Variants in CACNA1E observed in about 807,000 individuals in gnomAD.
CACNA1E encodes the protein voltage-dependent R-type calcium channel subunit alpha-1E.
In CACNA1E, 40 loss-of-function variants were observed where a neutral mutation model predicts 259.2. The ratio of observed to expected loss-of-function variants is 0.15; its 90% CI spans 0.12 to 0.20. The LOEUF (loss-of-function observed/expected upper bound fraction) is 0.20, where lower values mean the gene tolerates loss of function less well. CACNA1E is among the 10% of genes least tolerant of loss of function. The pLI is 1.00. For missense variants in CACNA1E, 1,874 were observed against 3,040.1 expected (o/e 0.62, Z 9.02); for synonymous variants, 1,104 against 1,138.5 (o/e 0.97, Z 0.61).
chr1:181,673,742 C>T (rs1312575763), intron 7 of CACNA1E, among the ~76,000 whole-genome samples: 2 of 152,192 alleles, frequency 1.3e-5, no homozygotes, highest in Non-Finnish European at 2.9e-5. Flanking sequence ...TTACAGTCGA[C>T]ATGACCCCAC....
chr1:181,637,679 G>T (rs1050673659), intron 6 of CACNA1E, among the ~76,000 whole-genome samples: 1 of 152,140 alleles, frequency 6.6e-6, no homozygotes, highest in Non-Finnish European at 1.5e-5. Flanking sequence ...GTTCTTGAGG[G>T]TGTCAAATAT....
intron 46 of CACNA1E, among the ~76,000 whole-genome samples, chr1:181,796,352 G>A (rs1487741249): frequency 1.3e-5 from 2 of 152,218 alleles, no homozygotes; most frequent in Admixed American, 6.5e-5. Context: ...CAAGACCAAG[G>A]TACCAGCAGA....
At chr1:181,549,696 T>C (rs1647912334) in intron 3 of CACNA1E, among the ~76,000 whole-genome samples, 1 of 152,154 alleles carries the variant, frequency 6.6e-6, no homozygotes, top group African/African-American at 2.4e-5. Flanking sequence ...GCAGATTTCT[T>C]CAGAAGGAGG....
intron 3 of CACNA1E, among the ~76,000 whole-genome samples, chr1:181,526,295 ATAGT>A (rs1296553586): frequency 1.3e-5 from 2 of 151,806 alleles, no homozygotes; most frequent in South Asian, 2.1e-4. Flanking sequence ...CATGCTGCTA[ATAGT>A]TAGTTGGTGG....
At chr1:181,566,579 G>C (rs78382112) in intron 3 of CACNA1E, among the ~76,000 whole-genome samples, 2 of 152,032 alleles carry the variant, frequency 1.3e-5, no homozygotes, top group Non-Finnish European at 2.9e-5. Context: ...TGTATTCTTC[G>C]TCTGGCATCC....
intron 6 of CACNA1E, among the ~76,000 whole-genome samples, chr1:181,596,245 T>G (rs78714585): frequency 0.029 from 4,444 of 152,282 alleles, 97 homozygotes; most frequent in Non-Finnish European, 0.048. Flanking sequence ...GCTTTCTGTC[T>G]CAGGCTTTTG....
chr1:181,427,206 C>T (rs1175966872), intron 2 of CACNA1E, among the ~76,000 whole-genome samples: 1 of 151,522 alleles, frequency 6.6e-6, no homozygotes, highest in Non-Finnish European at 1.5e-5. Context: ...CATCTCAAGC[C>T]TACCTCATCT....
intron 25 of CACNA1E, among the ~76,000 whole-genome samples, chr1:181,746,074 G>T (rs74127846): frequency 2.0e-5 from 3 of 152,180 alleles, no homozygotes; most frequent in African/African-American, 7.2e-5. Flanking sequence ...AAGAAAGATG[G>T]CAGAATAACA....
intron 35 of CACNA1E, among the ~76,000 whole-genome samples, chr1:181,767,609 C>T (rs539863609): frequency 9.8e-5 from 15 of 152,354 alleles, no homozygotes; most frequent in African/African-American, 3.6e-4. Flanking sequence ...TGAAATGTCT[C>T]TTCCTTTCAC....
chr1:181,698,502 C>T (rs1651926474), intron 7 of CACNA1E, among the ~76,000 whole-genome samples: 1 of 152,156 alleles, frequency 6.6e-6, no homozygotes, highest in African/African-American at 2.4e-5. Flanking sequence ...CAATAACTTG[C>T]CTGTGGTCTG....
rs2102911282 is a variant in CACNA1E at position 181,798,488 on chromosome 1, C to T, written c.6596C>T (p.Ala2199Val). The change falls in exon 48 of 48, where the codon GCT (alanine) becomes GTT (valine). Residue 2199 changes from alanine to valine, a missense_variant. Around this residue, in one of 14 missense-constraint regions of CACNA1E, gnomAD observed 542 missense variants for 587.2 expected, o/e 0.92. Transcript: ENST00000367573. This position sits in a 1 kb window ranked among gnomAD's most constrained non-coding sequence, Gnocchi z 4.2. Reference sequence around the variant, plus strand: ...GAGGGCTCCCCGCTGACCTCCCAAGCTCTGGAGAGCAACAATGCTTGCCTG... The same window carrying T: ...GAGGGCTCCCCGCTGACCTCCCAAGTTCTGGAGAGCAACAATGCTTGCCTG... ...SEEGSPLTSQALESNNACLTE... is the reference protein window; with the variant it reads ...SEEGSPLTSQVLESNNACLTE... 1 of 1,613,934 alleles carries T rather than the reference C, an allele frequency of 6.2e-7. No individual in the cohort carries two copies. The highest frequency in any genetic ancestry group is 8.5e-7 in the Non-Finnish European group (1 of 1,179,900).
intron 6 of CACNA1E, among the ~76,000 whole-genome samples, chr1:181,582,212 G>C (rs563756988): frequency 6.6e-6 from 1 of 152,358 alleles, no homozygotes; most frequent in East Asian, 1.9e-4. Context: ...GAAGTCCCAA[G>C]GACCAGCTTA....
chr1:181,656,329 T>C (rs1659204106), intron 7 of CACNA1E, among the ~76,000 whole-genome samples: 1 of 152,146 alleles, frequency 6.6e-6, no homozygotes, highest in Admixed American at 6.5e-5. Flanking sequence ...GACAGTGATA[T>C]TGATGGTTCT....
chr1:181,516,966 G>A (rs1666635974), intron 3 of CACNA1E, among the ~76,000 whole-genome samples: 1 of 152,130 alleles, frequency 6.6e-6, no homozygotes, highest in Non-Finnish European at 1.5e-5. Context: ...TCCTTCCTCT[G>A]CCAAGGTCAT....
At chr1:181,531,277 C>T (rs748143594) in intron 3 of CACNA1E, among the ~76,000 whole-genome samples, 1 of 152,208 alleles carries the variant, frequency 6.6e-6, no homozygotes, top group Admixed American at 6.5e-5. Flanking sequence ...TGTGTGGGAA[C>T]CAGTCTAAGA....
rs3767006 is a variant in CACNA1E, at chr1:181,751,216, G to C, written c.3731+729G>C. Among the ~76,000 whole-genome samples, 48 of 152,228 alleles carry C rather than the reference G, an allele frequency of 3.2e-4. No homozygotes were observed. The East Asian group carries it at 6.4e-3, about 20-fold the overall frequency. ...ATTGAATGCAAATATCTCAGGGGAT[G>C]AACAGAGAAGAAAGAGAAATGCAAA... is the stretch of plus-strand genomic sequence containing the variant. On this transcript the variant is annotated intron_variant, in intron 26 of 47. Transcript: ENST00000367573.
chr1:181,457,702 C>T (rs555711829), intron 2 of CACNA1E, among the ~76,000 whole-genome samples: 1 of 152,360 alleles, frequency 6.6e-6, no homozygotes, highest in South Asian at 2.1e-4. Context: ...CTGGTGCTGA[C>T]TCAGCCCAAG....
At chr1:181,354,042 C>T (rs1232586831) in intron 1 of CACNA1E, among the ~76,000 whole-genome samples, 1 of 152,146 alleles carries the variant, frequency 6.6e-6, no homozygotes, top group Non-Finnish European at 1.5e-5. Flanking sequence ...TGACTCGGTT[C>T]CTCCCCTGGG....
intron 1 of CACNA1E, among the ~76,000 whole-genome samples, chr1:181,342,281 T>TA (rs2102636787): frequency 6.6e-6 from 1 of 152,276 alleles, no homozygotes; most frequent in East Asian, 1.9e-4. Context: ...CATAGCCTTA[T>TA]AAAGCATTTG....
Sources: gnomAD v4.1 joint callset for allele counts (sites outside exome capture counted in the v4.1 genomes callset) on GRCh38, gnomAD v4.1.1 for gene constraint, gnomAD v4.1.1 regional missense constraint, Gnocchi (gnomAD v3.1) non-coding constraint, MANE v1.5 for transcripts, NCBI Gene and HGNC (gene_info 2026-07-23, HGNC 2026-07-21) for gene names.